Variants in NPIPA5 observed in about 807,000 individuals in gnomAD.
The protein encoded by NPIPA5 is nuclear pore complex interacting protein family member A5, also known as nuclear pore complex-interacting protein family member A5.
Under a neutral mutation model 21.4 loss-of-function variants are expected in NPIPA5, and 6 were observed. The ratio of observed to expected loss-of-function variants is 0.28; its 90% CI spans 0.15 to 0.55. The LOEUF (loss-of-function observed/expected upper bound fraction) is 0.55, where lower values mean the gene tolerates loss of function less well. NPIPA5 is among the 20% of genes least tolerant of loss of function. The pLI, the probability that NPIPA5 is intolerant of heterozygous loss-of-function variation, is 0.93. For synonymous variants in NPIPA5, 33 were observed against 115.3 expected (o/e 0.29, Z 4.57); for missense variants, 99 against 318.2 (o/e 0.31, Z 5.24).
chr16:15,376,858 G>T (rs149098976), intron 1 of NPIPA5, among the ~76,000 whole-genome samples: 20,450 of 151,986 alleles, frequency 0.13, 1,532 homozygotes, highest in Middle Eastern at 0.22. Context: ...ATTGTAATCT[G>T]AGCTACTCAG....
intron 4 of NPIPA5, among the ~76,000 whole-genome samples, chr16:15,367,071 G>C (rs1034836186): frequency 1.3e-5 from 2 of 152,082 alleles, no homozygotes; most frequent in African/African-American, 4.8e-5. Context: ...CGTCTCTGGG[G>C]TCAGTCTTGT....
In NPIPA5 at chr16:15,371,864, TA is replaced by T. The variant is rs566626892; in HGVS notation, c.193-1746del. Among the ~76,000 whole-genome samples, 26 of 138,826 alleles carry T rather than the reference TA, an allele frequency of 1.9e-4. 2 individuals are homozygous for T. The highest frequency in any genetic ancestry group is 4.7e-4 in the South Asian group (2 of 4,282). 91.1% of individuals were successfully genotyped at this position (138,826 alleles called of 152,430 possible). On this transcript the variant is annotated intron_variant, in intron 2 of 7. Transcript: ENST00000360151. ...TTTTTCCTGATTTCTGCACATAGGA[TA>T]AAAAAAAAATCATGTACTAGGATTT...
At chr16:15,380,348 A>T (rs1351374211), upstream of NPIPA5, among the ~76,000 whole-genome samples, 1 of 150,010 alleles carries the variant, frequency 6.7e-6, no homozygotes, top group East Asian at 2.0e-4. Context: ...TTTTTGACAG[A>T]GTCTCGCTCT....
At chr16:15,381,019 G>A, upstream of NPIPA5, 1 of 1,512,982 alleles carries the variant, frequency 6.6e-7, no homozygotes, top group Non-Finnish European at 8.8e-7. Flanking sequence ...CAGGAACCGT[G>A]GGGTCAGGAC....
At chr16:15,374,535 G>A (rs2050239752) in intron 1 of NPIPA5, among the ~76,000 whole-genome samples, 1 of 122,246 alleles carries the variant, frequency 8.2e-6, no homozygotes. Flanking sequence ...TTTGAGATGG[G>A]GTCTCACTCT....
Position 15,366,698 on chromosome 16 carries a change from G to A in NPIPA5, c.500C>T (p.Ala167Val). ...HGEKERQVSE[A>V]EENGKLDMKE... ...CATATCCAATTTCCCATTTTCCTCT[G>A]CCTCTGACACCTGCCTCTCCTTTTC... The change falls in exon 5 of 8, where the codon GCA becomes GTA. Residue 167 changes from alanine to valine, a missense_variant. Physicochemically the swap from Ala to Val is moderately conservative, Grantham distance 64. Coordinates refer to ENST00000360151, the MANE Select transcript of NPIPA5 (RefSeq NM_001277325.2). The A allele has an allele frequency of 6.6e-7, 1 of 1,518,616 alleles. No homozygotes were observed. 94.1% of individuals were successfully genotyped at this position (1,518,616 alleles called of 1,614,324 possible). A position where few individuals can be genotyped will look rare whatever the true frequency, so the allele number is the denominator to read the frequency against.
At chr16:15,367,648 C>G (rs2050014877) in intron 4 of NPIPA5, among the ~76,000 whole-genome samples, 1 of 150,632 alleles carries the variant, frequency 6.6e-6, no homozygotes. Flanking sequence ...CGCTAGGAAA[C>G]AGGGACGAAA....
intron 1 of NPIPA5, among the ~76,000 whole-genome samples, chr16:15,377,643 G>C (rs1364821534): frequency 8.5e-6 from 1 of 117,380 alleles, no homozygotes; most frequent in Non-Finnish European, 1.8e-5. Flanking sequence ...GGAGGGGAGG[G>C]GGAGGGGAAG....
In NPIPA5 at chr16:15,369,194, G is replaced by A. The variant is rs182093646; in HGVS notation, c.437+518C>T. ...AAAAAGCCTGGGTGTGGTGGCTCAT[G>A]CCTCTAATCCCAGCACTTTGGGAGG... On this transcript the variant is annotated intron_variant, in intron 4 of 7. Coordinates refer to ENST00000360151, the MANE Select transcript of NPIPA5 (RefSeq NM_001277325.2). Among the ~76,000 whole-genome samples the A allele has an allele frequency of 2.7e-4, 39 of 147,140 alleles. No homozygotes were observed. The East Asian group carries it at 4.4e-3, about 17-fold the overall frequency.
upstream of NPIPA5, among the ~76,000 whole-genome samples, chr16:15,380,304 T>A (rs1273502097): frequency 6.6e-6 from 1 of 151,706 alleles, no homozygotes; most frequent in African/African-American, 2.4e-5. Flanking sequence ...GATTTGAATT[T>A]CCTTTTCAAA....
intron 4 of NPIPA5, among the ~76,000 whole-genome samples, chr16:15,368,536 T>C (rs2050046676): frequency 6.6e-6 from 1 of 151,378 alleles, no homozygotes; most frequent in Admixed American, 6.6e-5. Context: ...TGAAAGACTG[T>C]GAAAATGAAT....
At chr16:15,368,461 T>A (rs1376327299) in intron 4 of NPIPA5, among the ~76,000 whole-genome samples, 7 of 152,118 alleles carry the variant, frequency 4.6e-5, no homozygotes, top group Non-Finnish European at 8.8e-5. Context: ...TTAAAAAGTA[T>A]CTCACATTTA....
At chr16:15,374,240 C>T (rs993528192) in intron 1 of NPIPA5, among the ~76,000 whole-genome samples, 1 of 150,960 alleles carries the variant, frequency 6.6e-6, no homozygotes, top group African/African-American at 2.4e-5. Flanking sequence ...ACTCAGTCGC[C>T]CAGGCTGGAG....
intron 2 of NPIPA5, among the ~76,000 whole-genome samples, chr16:15,372,052 A>C (rs532415611): frequency 2.0e-5 from 3 of 148,290 alleles, no homozygotes; most frequent in Non-Finnish European, 4.5e-5. Context: ...TCACACATGA[A>C]TGCTTCATGA....
intron 1 of NPIPA5, among the ~76,000 whole-genome samples, chr16:15,376,794 T>C (rs1006698384): frequency 1.3e-5 from 2 of 151,918 alleles, no homozygotes; most frequent in African/African-American, 4.8e-5. Flanking sequence ...CTACTAAAAA[T>C]ACAAAAATTA....
At chr16:15,377,959 C>T (rs1265542853) in intron 1 of NPIPA5, among the ~76,000 whole-genome samples, 1 of 147,796 alleles carries the variant, frequency 6.8e-6, no homozygotes. Context: ...CCACCAATCC[C>T]TGATGACCCC....
intron 4 of NPIPA5, among the ~76,000 whole-genome samples, chr16:15,369,299 T>C (rs1264359012): frequency 6.9e-6 from 1 of 145,626 alleles, no homozygotes; most frequent in Admixed American, 6.9e-5. Context: ...CTAGTAAAAA[T>C]ACAAAAATTA....
At chr16:15,379,695 C>G (rs1186049903), upstream of NPIPA5, among the ~76,000 whole-genome samples, 1 of 152,138 alleles carries the variant, frequency 6.6e-6, no homozygotes. Flanking sequence ...CGCCTGTAAT[C>G]CCAGCACTTT....
At chr16:15,376,419 T>G (rs2150881110) in intron 1 of NPIPA5, among the ~76,000 whole-genome samples, 1 of 149,502 alleles carries the variant, frequency 6.7e-6, no homozygotes, top group African/African-American at 2.4e-5. Flanking sequence ...TCCCAGCCAC[T>G]CGGGAGGCTG....
Sources: gnomAD v4.1 joint callset for allele counts (sites outside exome capture counted in the v4.1 genomes callset) on GRCh38, gnomAD v4.1.1 for gene constraint, MANE v1.5 for transcripts, NCBI Gene and HGNC (gene_info 2026-07-23, HGNC 2026-07-21) for gene names.